Variants in SPATS2L observed in about 807,000 individuals in gnomAD.
SPATS2L encodes spermatogenesis associated serine rich 2 like, also known as SPATS2-like protein.
In SPATS2L, 30 loss-of-function variants were observed where a neutral mutation model predicts 59.6. The ratio of observed to expected loss-of-function variants is 0.50; its 90% CI spans 0.38 to 0.68. The LOEUF (loss-of-function observed/expected upper bound fraction) is 0.68, where lower values mean the gene tolerates loss of function less well. SPATS2L is among the 30% of genes least tolerant of loss of function. SPATS2L has a pLI of 0.00. For synonymous variants in SPATS2L, 252 were observed against 263.5 expected (o/e 0.96, Z 0.42); for missense variants, 615 against 700.0 (o/e 0.88, Z 1.37).
At chr2:200,461,155 G>C (rs1486765940) in intron 9 of SPATS2L, 1 of 152,072 alleles carries the variant, frequency 6.6e-6, no homozygotes, top group Non-Finnish European at 1.5e-5. Context: ...CATGAACTTC[G>C]TCAAATACAC....
intron 4 of SPATS2L, among the ~76,000 whole-genome samples, chr2:200,413,882 A>T (rs1380639777): frequency 2.0e-5 from 3 of 152,182 alleles, no homozygotes; most frequent in Non-Finnish European, 4.4e-5. Context: ...ATACTAAGAG[A>T]TACATAATTT....
chr2:200,449,109 G>T (rs1379424988), intron 8 of SPATS2L, among the ~76,000 whole-genome samples: 1 of 152,226 alleles, frequency 6.6e-6, no homozygotes, highest in Non-Finnish European at 1.5e-5. Flanking sequence ...TTGTGAATAT[G>T]TGTCTTTCTA....
At chr2:200,317,471 C>T (rs113857317) in intron 1 of SPATS2L, among the ~76,000 whole-genome samples, 47 of 152,300 alleles carry the variant, frequency 3.1e-4, no homozygotes, top group African/African-American at 1.1e-3. Context: ...CAGTATATCT[C>T]AATTCACCCT....
chr2:200,345,686 T>C (rs757502870), intron 2 of SPATS2L, among the ~76,000 whole-genome samples: 2 of 152,230 alleles, frequency 1.3e-5, no homozygotes, highest in Non-Finnish European at 2.9e-5. Context: ...TCATGTATTA[T>C]TAAGGACTCA....
chr2:200,309,048 A>G, intron 1 of SPATS2L: 3 of 717,952 alleles, frequency 4.2e-6, no homozygotes, highest in Non-Finnish European at 7.8e-6. Context: ...GCAGTCTTTG[A>G]TTGCATGCCA....
intron 3 of SPATS2L, among the ~76,000 whole-genome samples, chr2:200,401,233 C>T (rs906189302): frequency 2.0e-5 from 3 of 152,170 alleles, no homozygotes; most frequent in Non-Finnish European, 2.9e-5. Flanking sequence ...CCATCTGCAG[C>T]AGCATCCCTC....
At chr2:200,358,160 A>G (rs555902422) in intron 2 of SPATS2L, among the ~76,000 whole-genome samples, 40 of 152,350 alleles carry the variant, frequency 2.6e-4, no homozygotes, top group African/African-American at 9.4e-4. Flanking sequence ...TATTTTCTGC[A>G]TAACTCTATT....
intron 2 of SPATS2L, among the ~76,000 whole-genome samples, chr2:200,353,959 C>T (rs1433153557): frequency 6.6e-6 from 1 of 152,114 alleles, no homozygotes; most frequent in Non-Finnish European, 1.5e-5. Context: ...GGAAATATAC[C>T]TTCTTGATGT....
At chr2:200,477,555 G>C (rs1022569690) in intron 12 of SPATS2L, 81 bp from the exon 13 acceptor site, 1 of 690,454 alleles carries the variant, frequency 1.4e-6, no homozygotes, top group African/African-American at 2.4e-5. Context: ...CTGTGGCTTA[G>C]AGATTTGGTT....
chr2:200,453,996 C>G (rs541312880), intron 8 of SPATS2L, among the ~76,000 whole-genome samples: 12 of 152,256 alleles, frequency 7.9e-5, no homozygotes, highest in African/African-American at 2.9e-4. Flanking sequence ...GCCTCCCTCC[C>G]CATGCTCCCA....
chr2:200,448,535 G>A (rs1334625643), intron 8 of SPATS2L, among the ~76,000 whole-genome samples: 1 of 152,202 alleles, frequency 6.6e-6, no homozygotes, highest in Non-Finnish European at 1.5e-5. Flanking sequence ...TGTTTGAATT[G>A]TGTTTTTTAA....
intron 2 of SPATS2L, among the ~76,000 whole-genome samples, chr2:200,353,769 A>G (rs925461826): frequency 1.3e-5 from 2 of 152,236 alleles, no homozygotes; most frequent in African/African-American, 4.8e-5. Flanking sequence ...TGACTTCTAC[A>G]AGTACTGTGC....
At chr2:200,437,789 G>A (rs1047125346) in intron 6 of SPATS2L, among the ~76,000 whole-genome samples, 26 of 152,120 alleles carry the variant, frequency 1.7e-4, no homozygotes, top group African/African-American at 6.3e-4. Flanking sequence ...ATCATGAATG[G>A]ACTAATGTCT....
chr2:200,311,440 C>G (rs943425192), intron 1 of SPATS2L, among the ~76,000 whole-genome samples: 15 of 152,014 alleles, frequency 9.9e-5, no homozygotes, highest in Admixed American at 8.5e-4. Context: ...AGTGATGGGC[C>G]CCAGTACTGA....
chr2:200,313,742 C>T (rs748386483), intron 1 of SPATS2L, among the ~76,000 whole-genome samples: 10 of 152,296 alleles, frequency 6.6e-5, no homozygotes, highest in South Asian at 4.2e-4. Context: ...TCCCGCACCT[C>T]GCCATCTTCC....
chr2:200,356,555 A>C (rs531638949), intron 2 of SPATS2L, among the ~76,000 whole-genome samples: 4 of 152,360 alleles, frequency 2.6e-5, no homozygotes, highest in African/African-American at 9.6e-5. Flanking sequence ...AACATTTTCC[A>C]TTCTCTGACT....
chr2:200,429,260 A>T (rs1487295013), intron 6 of SPATS2L, among the ~76,000 whole-genome samples: 1 of 152,242 alleles, frequency 6.6e-6, no homozygotes, highest in African/African-American at 2.4e-5. Flanking sequence ...AGCATTGTTA[A>T]TTAAAACAGT....
chr2:200,469,748 G>T (rs1467194597), intron 10 of SPATS2L, 166 bp from the exon 11 acceptor site: 3 of 561,826 alleles, frequency 5.3e-6, no homozygotes, highest in Non-Finnish European at 9.5e-6. Context: ...CCCTAGCCAG[G>T]TCAGCACTAA....
intron 2 of SPATS2L, among the ~76,000 whole-genome samples, chr2:200,369,211 T>C (rs1433547633): frequency 6.6e-6 from 1 of 152,138 alleles, no homozygotes; most frequent in Non-Finnish European, 1.5e-5. Flanking sequence ...CAGGCTGGAG[T>C]GCAGTGGTGC....
Sources: allele counts gnomAD v4.1 joint callset (sites outside exome capture counted in the v4.1 genomes callset), GRCh38; gene constraint gnomAD v4.1.1; transcripts MANE v1.5; gene names NCBI Gene and HGNC (gene_info 2026-07-23, HGNC 2026-07-21).